EBF1: variants seen among roughly 807,000 people sequenced by gnomAD.
EBF1 encodes the protein transcription factor COE1.
EBF1 carries 10 observed loss-of-function variants against 68.4 expected under a neutral mutation model. The observed-to-expected ratio is 0.15, with a 90% CI of 0.09 to 0.25. EBF1 has a LOEUF of 0.25. EBF1 is among the 10% of genes least tolerant of loss of function. The pLI, the probability that EBF1 is intolerant of heterozygous loss-of-function variation, is 1.00. For missense variants in EBF1, 509 were observed against 794.4 expected (o/e 0.64, Z 4.32); for synonymous variants, 298 against 299.8 (o/e 0.99, Z 0.06).
At chr5:158,762,190 C>T (rs1054734097) in intron 10 of EBF1, among the ~76,000 whole-genome samples, 4 of 152,186 alleles carry the variant, frequency 2.6e-5, no homozygotes, top group South Asian at 2.1e-4. Flanking sequence ...GAAGGATTCA[C>T]ACCATAAATG....
chr5:158,739,577 T>C (rs547715257), intron 10 of EBF1, among the ~76,000 whole-genome samples: 8 of 152,318 alleles, frequency 5.3e-5, no homozygotes, highest in Admixed American at 4.6e-4. Context: ...AAAGCCAAAT[T>C]TGCTCCTTTA....
intron 6 of EBF1, among the ~76,000 whole-genome samples, chr5:159,008,000 A>G (rs1763895545): frequency 1.3e-5 from 2 of 152,230 alleles, no homozygotes; most frequent in African/African-American, 4.8e-5. Flanking sequence ...ACAATGATCC[A>G]TTTAATCATG....
At chr5:158,844,847 A>G (rs1791106598) in intron 6 of EBF1, among the ~76,000 whole-genome samples, 1 of 152,224 alleles carries the variant, frequency 6.6e-6, no homozygotes, top group Non-Finnish European at 1.5e-5. Flanking sequence ...TCACGGAACT[A>G]ACTGAACCCA....
chr5:158,787,326 A>T (rs984772128), intron 9 of EBF1, among the ~76,000 whole-genome samples: 2 of 152,166 alleles, frequency 1.3e-5, no homozygotes, highest in Admixed American at 1.3e-4. Context: ...TCAGGCCATC[A>T]GCTGTCACTG....
intron 7 of EBF1, among the ~76,000 whole-genome samples, chr5:158,835,723 C>A (rs1015553673): frequency 6.6e-6 from 1 of 152,108 alleles, no homozygotes; most frequent in African/African-American, 2.4e-5. Flanking sequence ...CTGAGTCAGA[C>A]TGCTTGGATT....
intron 6 of EBF1, among the ~76,000 whole-genome samples, chr5:159,014,835 G>C (rs1271477558): frequency 2.0e-5 from 3 of 152,142 alleles, no homozygotes; most frequent in Admixed American, 6.5e-5. Flanking sequence ...CTGCTGCTAG[G>C]AATATTGCTG....
At chr5:159,001,630 C>T (rs1473739828) in intron 6 of EBF1, among the ~76,000 whole-genome samples, 5 of 152,158 alleles carry the variant, frequency 3.3e-5, no homozygotes, top group African/African-American at 4.8e-5. Context: ...TTACCTTCAT[C>T]TTGTCCTTTT....
chr5:159,040,094 G>A (rs1770876011), intron 6 of EBF1, among the ~76,000 whole-genome samples: 1 of 152,154 alleles, frequency 6.6e-6, no homozygotes, highest in South Asian at 2.1e-4. Context: ...TGTAACTGTA[G>A]TGGTGAGGGT....
intron 9 of EBF1, among the ~76,000 whole-genome samples, chr5:158,786,240 C>A (rs1187701683): frequency 1.3e-5 from 2 of 152,056 alleles, no homozygotes; most frequent in African/African-American, 2.4e-5. Flanking sequence ...ATATACTGCC[C>A]AGTTCTGACC....
At chr5:158,773,292 T>C (rs934771811) in intron 10 of EBF1, among the ~76,000 whole-genome samples, 1 of 152,192 alleles carries the variant, frequency 6.6e-6, no homozygotes, top group Non-Finnish European at 1.5e-5. Context: ...TGGCAAAGGA[T>C]GTGGAGTTAT....
intron 6 of EBF1, among the ~76,000 whole-genome samples, chr5:159,053,721 T>C (rs530951280): frequency 6.6e-6 from 1 of 151,918 alleles, no homozygotes; most frequent in South Asian, 2.1e-4. Flanking sequence ...AGACACAAAA[T>C]GAGTATATGT....
intron 8 of EBF1, among the ~76,000 whole-genome samples, chr5:158,820,281 G>A (rs528315440): frequency 1.1e-4 from 17 of 152,098 alleles, no homozygotes; most frequent in African/African-American, 3.1e-4. Context: ...GGGTGGGAGC[G>A]GAGACACAGA....
chr5:158,763,597 T>C (rs553703685), intron 10 of EBF1, among the ~76,000 whole-genome samples: 2 of 152,186 alleles, frequency 1.3e-5, no homozygotes, highest in Non-Finnish European at 2.9e-5. Flanking sequence ...TATCACATAT[T>C]GGAAGGTCCA....
At chr5:159,007,472 A>C (rs1357964980) in intron 6 of EBF1, among the ~76,000 whole-genome samples, 1 of 152,236 alleles carries the variant, frequency 6.6e-6, no homozygotes, top group Non-Finnish European at 1.5e-5. Flanking sequence ...GTACTACATA[A>C]GCAGTTCTAA....
rs1790262886 is a variant in EBF1 at position 158,841,085 on chromosome 5, G to T, written c.555-975C>A. ...AATTGGTTCTGTAGTGAGATTCATG[G>T]GTTTTACTTGCTAAGGTGACCAAAG... On this transcript the variant is annotated intron_variant, in intron 6 of 15. Transcript: ENST00000313708. Among the ~76,000 whole-genome samples, 3 of 152,190 alleles carry T rather than the reference G, an allele frequency of 2.0e-5. No individual in the cohort carries two copies. The South Asian group carries it at 6.2e-4, about 32-fold the overall frequency.
At chr5:158,926,146 C>T (rs1456370709) in intron 6 of EBF1, among the ~76,000 whole-genome samples, 8 of 152,114 alleles carry the variant, frequency 5.3e-5, no homozygotes, top group South Asian at 2.1e-4. Context: ...CCCAAAAATC[C>T]TTTCCATAAC....
intron 8 of EBF1, among the ~76,000 whole-genome samples, chr5:158,815,646 G>A (rs1344112561): frequency 6.6e-6 from 1 of 152,146 alleles, no homozygotes; most frequent in Non-Finnish European, 1.5e-5. Context: ...GCTATTGGTG[G>A]TGCCATGGTC....
Position 158,702,743 on chromosome 5 carries a change from C to CAAA in EBF1, c.1745-3604_1745-3602dup, listed in dbSNP as rs58496050. Among the ~76,000 whole-genome samples the CAAA allele has an allele frequency of 6.8e-3, 285 of 41,660 alleles. 3 individuals are homozygous for CAAA. Among genetic ancestry groups the CAAA allele is most frequent in the Non-Finnish European group, 7.8e-3 (199 of 25,470 alleles). The allele number at this position is 41,660 out of a possible 152,430, so 27.3% of individuals were successfully genotyped here. ...TGGGCTACAGAGGGAGACTCCTTCT[C>CAAA]AAAAAAAAAAAAAAAAAAAAAAAAA... On this transcript the variant is annotated intron_variant, in intron 15 of 15. Coordinates refer to ENST00000313708, the MANE Select transcript of EBF1 (RefSeq NM_024007.5).
rs1468394198 is a variant in EBF1, at chr5:158,753,855, C to CTGTAAG, written c.1037-22699_1037-22698insCTTACA. On this transcript the variant is annotated intron_variant, in intron 10 of 15. Coordinates refer to ENST00000313708, the MANE Select transcript of EBF1 (RefSeq NM_024007.5). Reference sequence around the variant, plus strand: ...TTTACTTTCAGACAGATTGTGACGACCACAAAACTTACCTGCATGAGTATT... The same window carrying CTGTAAG: ...TTTACTTTCAGACAGATTGTGACGACTGTAAGCACAAAACTTACCTGCATGAGTATT... Among the ~76,000 whole-genome samples the CTGTAAG allele has an allele frequency of 7.9e-5, 12 of 152,202 alleles. No homozygotes were observed. The East Asian group carries it at 1.7e-3, about 22-fold the overall frequency.
Sources: allele counts gnomAD v4.1 joint callset (sites outside exome capture counted in the v4.1 genomes callset), GRCh38; gene constraint gnomAD v4.1.1; transcripts MANE v1.5; gene names NCBI Gene and HGNC (gene_info 2026-07-23, HGNC 2026-07-21).